Variants in ACAN observed in about 807,000 individuals in gnomAD.
ACAN encodes aggrecan core protein.
ACAN carries 47 observed loss-of-function variants against 169.1 expected under a neutral mutation model. The ratio of observed to expected loss-of-function variants is 0.28; its 90% CI spans 0.22 to 0.35. The LOEUF is 0.35. Ranked by LOEUF, ACAN falls within the 10% of genes least tolerant of loss-of-function variation. The pLI is 1.00. For missense variants in ACAN, 2,716 were observed against 2,759.9 expected (o/e 0.98, Z 0.36); for synonymous variants, 1,115 against 1,112.2 (o/e 1.00, Z -0.05).
Position 88,873,106 on chromosome 15 carries a change from G to A in ACAN, c.7447+81G>A. 1 of 1,512,808 alleles carries A rather than the reference G, an allele frequency of 6.6e-7. No individual in the cohort carries two copies. Among genetic ancestry groups the A allele is most frequent in the Non-Finnish European group, 8.9e-7 (1 of 1,120,950 alleles). The allele number at this position is 1,512,808 out of a possible 1,614,324, so 93.7% of individuals were successfully genotyped here. A position where few individuals can be genotyped will look rare whatever the true frequency, so the allele number is the denominator to read the frequency against. On this transcript the variant is annotated intron_variant, in intron 17 of 18. Transcript: ENST00000560601. The surrounding 1 kb of genome is among the most constrained non-coding windows in gnomAD (Gnocchi z 7.5). ...AGGTGAGGCTCTTGCTGTGTGGCCT[G>A]GGGTGAGTCCCTTGTCTTCTGGCTG...
chr15:88,830,111 ACT>A (rs1169997680), intron 1 of ACAN, among the ~76,000 whole-genome samples: 2 of 152,046 alleles, frequency 1.3e-5, no homozygotes, highest in African/African-American at 4.8e-5. Context: ...ACTGATGTGG[ACT>A]CACGCTGGGC....
Position 88,854,841 on chromosome 15 carries a change from C to T in ACAN, c.2267-11C>T. The T allele has an allele frequency of 1.4e-6, 2 of 1,454,852 alleles. No individual in the cohort carries two copies. The highest frequency in any genetic ancestry group is 9.1e-7 in the Non-Finnish European group (1 of 1,101,808). 90.1% of individuals were successfully genotyped at this position (1,454,852 alleles called of 1,614,324 possible). The stretch of plus-strand genomic sequence containing the variant: ...AACCCACACTTCATCTTTCTTCCTT[C>T]TTTCCTACAGGGATCCTTCCTACTT... On this transcript the variant is annotated splice_polypyrimidine_tract_variant and intron_variant, in intron 11 of 18. Coordinates refer to ENST00000560601, the MANE Select transcript of ACAN (RefSeq NM_001369268.1).
chr15:88,836,328 G>A, intron 2 of ACAN, 52 bp downstream of exon 2: 1 of 1,485,386 alleles, frequency 6.7e-7, no homozygotes, highest in African/African-American at 1.4e-5. Context: ...TGAGTAGTGG[G>A]TTTGAGTACT....
intron 8 of ACAN, 96 bp downstream of exon 8, chr15:88,847,513 A>G: frequency 2.2e-6 from 3 of 1,340,148 alleles, no homozygotes; most frequent in Non-Finnish European, 3.0e-6. Context: ...TGAGCACCCA[A>G]TACCTTGTGG....
Position 88,849,713 on chromosome 15 carries a change from C to A in ACAN, c.2008C>A (p.His670Asn), listed in dbSNP as rs1408176320. Reference protein sequence around the residue: ...TGLPDPLSRHHAFCFRGISAV... With the variant: ...TGLPDPLSRHNAFCFRGISAV... ...CCTCCCAGACCCACTGTCCCGGCAC[C>A]ATGCCTTCTGCTTCCGAGGTATGCA... Residue 670 changes from histidine to asparagine, a missense_variant, in exon 10 of 19, where the codon CAT (histidine) becomes AAT (asparagine). Physicochemically the swap from His to Asn is moderately conservative, Grantham distance 68 (BLOSUM62 1). This residue lies in a region of ACAN where 1,283 missense variants were observed against 1,281.5 expected (regional missense o/e 1.00). Transcript: ENST00000560601. This position sits in a 1 kb window ranked among gnomAD's most constrained non-coding sequence, Gnocchi z 5.1. The A allele has an allele frequency of 8.1e-6, 13 of 1,613,714 alleles. No individual in the cohort carries two copies. Among genetic ancestry groups the A allele is most frequent in the Non-Finnish European group, 1.1e-5 (13 of 1,179,876 alleles).
chr15:88,812,754 T>C (rs1054583285), intron 1 of ACAN, among the ~76,000 whole-genome samples: 1 of 152,146 alleles, frequency 6.6e-6, no homozygotes, highest in Non-Finnish European at 1.5e-5. Context: ...TAACTTATCA[T>C]TATCTAGAAA....
At chr15:88,863,955 T>A (rs185816041) in intron 13 of ACAN, among the ~76,000 whole-genome samples, 1 of 152,320 alleles carries the variant, frequency 6.6e-6, no homozygotes, top group Admixed American at 6.5e-5. Flanking sequence ...GAGGATCACT[T>A]GAGCCCAGGA....
At chr15:88,809,156 T>C (rs970353631) in intron 1 of ACAN, among the ~76,000 whole-genome samples, 5 of 152,188 alleles carry the variant, frequency 3.3e-5, no homozygotes, top group Non-Finnish European at 5.9e-5. Context: ...GTCCCCACTA[T>C]GGAAAATTAC....
At chr15:88,823,065 A>G (rs535003215) in intron 1 of ACAN, among the ~76,000 whole-genome samples, 2 of 152,284 alleles carry the variant, frequency 1.3e-5, no homozygotes, top group East Asian at 3.9e-4. Flanking sequence ...CATTTACTGG[A>G]GGTCACTTAT....
At chr15:88,832,985 G>C (rs559848092) in intron 1 of ACAN, among the ~76,000 whole-genome samples, 14 of 152,332 alleles carry the variant, frequency 9.2e-5, no homozygotes, top group Admixed American at 8.5e-4. Context: ...ACAGCCGTGG[G>C]GCAGGTCCTA....
At chr15:88,830,874 G>A (rs1165325483) in intron 1 of ACAN, among the ~76,000 whole-genome samples, 1 of 152,052 alleles carries the variant, frequency 6.6e-6, no homozygotes, top group African/African-American at 2.4e-5. Flanking sequence ...ACGCTACAAC[G>A]GCTGCAGCAT....
chr15:88,817,325 G>A (rs1046350621), intron 1 of ACAN, among the ~76,000 whole-genome samples: 1 of 152,008 alleles, frequency 6.6e-6, no homozygotes, highest in Admixed American at 6.6e-5. Flanking sequence ...TGTATTTTTA[G>A]TAGAGGTAGG....
At position 88,809,148 on chromosome 15, in the gene ACAN, C is replaced by T. The variant is rs564289100; in HGVS notation, c.-8+5339C>T. Among the ~76,000 whole-genome samples the T allele has an allele frequency of 3.3e-5, 5 of 152,300 alleles. 1 individual carries two copies. In the South Asian group the frequency reaches 1.0e-3, roughly 32 times the overall value. ...TTAGTATATTTGAGGCTTTTAAAGT[C>T]CCCACTATGGAAAATTACAGCATCC... On this transcript the variant is annotated intron_variant, in intron 1 of 18. Transcript: ENST00000560601.
At chr15:88,819,274 T>C (rs1255938278) in intron 1 of ACAN, among the ~76,000 whole-genome samples, 2 of 152,038 alleles carry the variant, frequency 1.3e-5, no homozygotes, top group African/African-American at 4.8e-5. Flanking sequence ...CTGGGACAGG[T>C]AGGCTGTTAG....
At chr15:88,824,047 G>A (rs973486668) in intron 1 of ACAN, among the ~76,000 whole-genome samples, 6 of 152,092 alleles carry the variant, frequency 3.9e-5, no homozygotes, top group African/African-American at 7.2e-5. Context: ...AGTCCTGGCC[G>A]GGCGCAGTGG....
rs138620973 is a variant in ACAN at position 88,855,427 on chromosome 15, G to T, written c.2842G>T (p.Ala948Ser). 5.0e-6 allele frequency: 8 copies of T among 1,613,312 alleles called. No individual in the cohort carries two copies. Among genetic ancestry groups the T allele is most frequent in the Non-Finnish European group, 5.9e-6 (7 of 1,179,428 alleles). The change falls in exon 12 of 19, where the codon GCC becomes TCC. Residue 948 changes from alanine (A) to serine (S), a missense_variant. Physicochemically the swap from Ala to Ser is moderately conservative, Grantham distance 99 (BLOSUM62 1). This residue lies in a region of ACAN where 1,283 missense variants were observed against 1,281.5 expected (regional missense o/e 1.00). Coordinates refer to ENST00000560601, the MANE Select transcript of ACAN (RefSeq NM_001369268.1). ...PSGAEILEGSASGVGDLSGLP... is the reference protein window; with the variant it reads ...PSGAEILEGSSSGVGDLSGLP... ...TGGAGCTGAGATCCTAGAGGGCTCTGCCTCTGGAGTTGGGGATCTCAGTGG... is the reference window on the plus strand; with the variant it reads ...TGGAGCTGAGATCCTAGAGGGCTCTTCCTCTGGAGTTGGGGATCTCAGTGG...
chr15:88,809,334 T>A (rs1282631393), intron 1 of ACAN, among the ~76,000 whole-genome samples: 1 of 152,126 alleles, frequency 6.6e-6, no homozygotes, highest in Non-Finnish European at 1.5e-5. Context: ...TGGGCACTGA[T>A]GGCCATATGA....
intron 1 of ACAN, among the ~76,000 whole-genome samples, chr15:88,808,044 G>A (rs1895729776): frequency 6.6e-6 from 1 of 151,762 alleles, no homozygotes; most frequent in Admixed American, 6.6e-5. Context: ...ATGTGGGGGC[G>A]GGGGTGCCTG....
Position 88,857,107 on chromosome 15 carries a change from G to A in ACAN, c.4522G>A (p.Glu1508Lys), listed in dbSNP as rs1321599348. 2 of 1,606,828 alleles carry A rather than the reference G, an allele frequency of 1.2e-6. No individual in the cohort carries two copies. The highest frequency in any genetic ancestry group is 1.7e-6 in the Non-Finnish European group (2 of 1,175,482). Residue 1508 changes from glutamate (E) to lysine (K), a missense_variant, in exon 12 of 19, where the codon GAA becomes AAA. By Grantham distance (56) the Glu-to-Lys change is moderately conservative (BLOSUM62 1). This residue lies in a region of ACAN where 1,389 missense variants were observed against 1,363.7 expected (regional missense o/e 1.02). Transcript: ENST00000560601. ...TGCCTCTGGAATAGAGGATGTCAGT[G>A]AACTTCCTTCAGGAGAAGGTCTAGA... The part of the protein sequence containing the change: ...TSASGIEDVS[E>K]LPSGEGLETS...
Sources: gnomAD v4.1 joint callset for allele counts (sites outside exome capture counted in the v4.1 genomes callset) on GRCh38, gnomAD v4.1.1 for gene constraint, gnomAD v4.1.1 regional missense constraint, Gnocchi (gnomAD v3.1) non-coding constraint, MANE v1.5 for transcripts, NCBI Gene and HGNC (gene_info 2026-07-23, HGNC 2026-07-21) for gene names.